Variants in DIP2B observed in about 807,000 individuals in gnomAD.
DIP2B encodes disco-interacting protein 2 homolog B.
In DIP2B, 76 loss-of-function variants were observed where a neutral mutation model predicts 198.0. The ratio of observed to expected loss-of-function variants is 0.38; its 90% CI spans 0.32 to 0.46. The LOEUF is 0.46. Ranked by LOEUF, DIP2B falls within the 20% of genes least tolerant of loss-of-function variation. DIP2B has a pLI of 0.99. For synonymous variants in DIP2B, 701 were observed against 739.1 expected, an observed-to-expected ratio of 0.95 and a Z score of 0.84; for missense variants, 1,559 against 1,978.4, an observed-to-expected ratio of 0.79 and a Z score of 4.02.
intron 35 of DIP2B, 80 bp downstream of exon 35, chr12:50,737,190 CTG>C (rs1940152538): frequency 8.1e-6 from 11 of 1,354,576 alleles, no homozygotes; most frequent in Admixed American, 5.7e-5. Context: ...ATCAGTAAAA[CTG>C]TGGATTTAGC....
chr12:50,689,611 G>A (rs1415325373), intron 12 of DIP2B, among the ~76,000 whole-genome samples: 2 of 152,136 alleles, frequency 1.3e-5, no homozygotes, highest in Non-Finnish European at 2.9e-5. Context: ...GAGTTTCCAG[G>A]GGCAGGGACG....
chr12:50,715,166 T>C (rs1304121344), intron 23 of DIP2B, among the ~76,000 whole-genome samples: 1 of 152,238 alleles, frequency 6.6e-6, no homozygotes, highest in Non-Finnish European at 1.5e-5. Flanking sequence ...TAGTCACTCC[T>C]CAATCATGTT....
chr12:50,664,830 G>GTTTTTTTTTTTTTTTTTTTTTTTTTTTTT (rs1205734576), intron 4 of DIP2B, among the ~76,000 whole-genome samples: 1 of 99,644 alleles, frequency 1.0e-5, no homozygotes, highest in African/African-American at 4.2e-5. Context: ...TCCTTTTTTG[G>GTTTTTTTTTTTTTTTTTTTTTTTTTTTTT]TTTTTGTTTT....
In DIP2B at chr12:50,539,964, T is replaced by A. The variant is rs186514149; in HGVS notation, c.100+34724T>A. 1.4e-4 allele frequency among the ~76,000 whole-genome samples: 21 copies of A among 151,762 alleles called. 1 individual carries two copies. The South Asian group carries it at 3.5e-3, about 26-fold the overall frequency. On this transcript the variant is annotated intron_variant, in intron 1 of 37. Coordinates refer to ENST00000301180, the MANE Select transcript of DIP2B (RefSeq NM_173602.3). ...GATGCAAGTTACTGTAGTTCTTTAT[T>A]CCCCCAGCTTCTATGGCATCCCATT... is the stretch of plus-strand genomic sequence containing the variant.
At chr12:50,598,249 C>T (rs1190266007) in intron 1 of DIP2B, among the ~76,000 whole-genome samples, 1 of 152,104 alleles carries the variant, frequency 6.6e-6, no homozygotes, top group Non-Finnish European at 1.5e-5. Flanking sequence ...ATGATACTGT[C>T]TTGGAAACAT....
At chr12:50,630,076 A>C (rs1284414274) in intron 2 of DIP2B, among the ~76,000 whole-genome samples, 3 of 151,286 alleles carry the variant, frequency 2.0e-5, no homozygotes, top group Non-Finnish European at 4.4e-5. Context: ...CAGCCTCCCA[A>C]GTAGCTGAGA....
At chr12:50,692,888 C>T in intron 13 of DIP2B, 61 bp from the exon 14 acceptor site, 6 of 1,405,124 alleles carry the variant, frequency 4.3e-6, no homozygotes, top group Non-Finnish European at 5.0e-6. Context: ...AGGCAAGTGA[C>T]ATAATTTTGC....
At chr12:50,723,891 T>C (rs1939884892) in intron 27 of DIP2B, among the ~76,000 whole-genome samples, 1 of 152,226 alleles carries the variant, frequency 6.6e-6, no homozygotes, top group African/African-American at 2.4e-5. Context: ...CTTTTGTGAA[T>C]TTACTTGGTA....
intron 1 of DIP2B, among the ~76,000 whole-genome samples, chr12:50,558,850 A>T (rs1958493529): frequency 6.6e-6 from 1 of 152,174 alleles, no homozygotes; most frequent in African/African-American, 2.4e-5. Flanking sequence ...CCCTCTGGAA[A>T]TGGGGGCAAA....
rs564753876 is a variant in DIP2B, at chr12:50,630,096, T to C, written c.172+4049T>C. On this transcript the variant is annotated intron_variant, in intron 2 of 37. Coordinates refer to ENST00000301180, the MANE Select transcript of DIP2B (RefSeq NM_173602.3). ...TCCCAAGTAGCTGAGACTACAGGCA[T>C]GTGCCACCACGCCCAGCTAATTTTT... 1.1e-4 allele frequency among the ~76,000 whole-genome samples: 17 copies of C among 151,932 alleles called. No individual in the cohort carries two copies. The East Asian group carries it at 3.1e-3, about 28-fold the overall frequency.
chr12:50,510,488 C>T (rs1306870691), intron 1 of DIP2B, among the ~76,000 whole-genome samples: 1 of 152,192 alleles, frequency 6.6e-6, no homozygotes, highest in African/African-American at 2.4e-5. Context: ...GTTCATATGA[C>T]TGGCTAAAAA....
chr12:50,708,385 TAAACA>T, intron 21 of DIP2B, 58 bp from the exon 22 acceptor site: 1 of 1,473,148 alleles, frequency 6.8e-7, no homozygotes, highest in Non-Finnish European at 9.3e-7. Flanking sequence ...TAATTCCAGT[TAAACA>T]AAACAAATAG....
At chr12:50,632,024 C>T (rs1481278642) in intron 2 of DIP2B, among the ~76,000 whole-genome samples, 4 of 149,842 alleles carry the variant, frequency 2.7e-5, no homozygotes, top group Non-Finnish European at 5.9e-5. Flanking sequence ...GAGAGAAGGT[C>T]TCACTATGTT....
intron 2 of DIP2B, among the ~76,000 whole-genome samples, chr12:50,638,988 A>G (rs1475000427): frequency 6.6e-6 from 1 of 151,736 alleles, no homozygotes; most frequent in Non-Finnish European, 1.5e-5. Context: ...AAAGTTTCGG[A>G]TTTGGGTATT....
chr12:50,540,053 G>GTGT (rs1958306331), intron 1 of DIP2B, among the ~76,000 whole-genome samples: 1 of 44,142 alleles, frequency 2.3e-5, no homozygotes, highest in Non-Finnish European at 3.9e-5. Context: ...TTGTTTCTGT[G>GTGT]TTTTTTTTTT....
At chr12:50,598,436 A>G (rs1958897452) in intron 1 of DIP2B, among the ~76,000 whole-genome samples, 1 of 150,724 alleles carries the variant, frequency 6.6e-6, no homozygotes, top group Non-Finnish European at 1.5e-5. Context: ...CAACCCCCTG[A>G]TTCCATCCTC....
chr12:50,734,731 ATC>A (rs1309661071), intron 33 of DIP2B, among the ~76,000 whole-genome samples: 1 of 152,162 alleles, frequency 6.6e-6, no homozygotes, highest in Non-Finnish European at 1.5e-5. Flanking sequence ...TAGGTGGAAC[ATC>A]TCTCTCATGC....
chr12:50,709,479 A>T (rs546270913), intron 22 of DIP2B, among the ~76,000 whole-genome samples: 7 of 151,990 alleles, frequency 4.6e-5, no homozygotes, highest in African/African-American at 1.7e-4. Context: ...AAAAATACAA[A>T]AAAAAAAAAT....
In DIP2B at chr12:50,721,355, A is replaced by G. The variant is rs762947042; in HGVS notation, c.3125A>G (p.His1042Arg). 4 of 1,614,230 alleles carry G rather than the reference A, an allele frequency of 2.5e-6. No individual in the cohort carries two copies. Among genetic ancestry groups the G allele is most frequent in the Non-Finnish European group, 3.4e-6 (4 of 1,180,020 alleles). ...GCATCTGTTCTTGGTGATAAGGGAC[A>G]TCTAAATGCAGGAGATAATGTGGTG... ...RIASVLGDKGHLNAGDNVVLL... is the reference protein window; with the variant it reads ...RIASVLGDKGRLNAGDNVVLL... The change falls in exon 26 of 38, where the codon CAT (histidine) becomes CGT (arginine). Residue 1042 changes from histidine (H) to arginine (R), a missense_variant. Transcript: ENST00000301180.
Sources: gnomAD v4.1 joint callset for allele counts (sites outside exome capture counted in the v4.1 genomes callset) on GRCh38, gnomAD v4.1.1 for gene constraint, MANE v1.5 for transcripts, NCBI Gene and HGNC (gene_info 2026-07-23, HGNC 2026-07-21) for gene names.